PRPF18: variants seen among roughly 807,000 people sequenced by gnomAD.
The protein encoded by PRPF18 is pre-mRNA-splicing factor 18.
A neutral mutation model predicts 46.5 loss-of-function variants in PRPF18; 38 were observed. The ratio of observed to expected loss-of-function variants is 0.82; its 90% CI spans 0.63 to 1.07. PRPF18 has a LOEUF of 1.07. Among genes scored for constraint, PRPF18 ranks in the 50% least tolerant of loss-of-function variants. The probability of loss-of-function intolerance (pLI) is 0.00; values close to 1 mark genes in which losing one functional copy is unlikely to be tolerated. For missense variants in PRPF18, 263 were observed against 410.0 expected (o/e 0.64, Z 3.10); for synonymous variants, 152 against 146.7 (o/e 1.04, Z -0.26).
chr10:13,588,770 C>G (rs1428000346), intron 1 of PRPF18, among the ~76,000 whole-genome samples: 2 of 152,088 alleles, frequency 1.3e-5, no homozygotes, highest in African/African-American at 4.8e-5. Flanking sequence ...TTAGGAACTT[C>G]CTGAAGATGA....
At chr10:13,651,759 TAGTTCC>T in the PRPF18 span, 15,245 of 633,154 alleles carry the variant, frequency 0.024, 808 homozygotes, top group African/African-American at 0.14. Context: ...GCTAAAAACA[TAGTTCC>T]AGTTCCCCAT....
chr10:13,610,295 C>T (rs1564456807), intron 5 of PRPF18, 110 bp downstream of exon 5: 4 of 1,217,576 alleles, frequency 3.3e-6, no homozygotes, highest in Admixed American at 2.5e-5. Context: ...TGTCCTTGGT[C>T]TTTTGTTTAT....
intron 4 of PRPF18, among the ~76,000 whole-genome samples, chr10:13,608,504 G>T (rs1241140840): frequency 6.6e-6 from 1 of 152,210 alleles, no homozygotes; most frequent in East Asian, 1.9e-4. Context: ...TCAGTCCTCT[G>T]TGTCTGTAAT....
intron 1 of PRPF18, among the ~76,000 whole-genome samples, chr10:13,587,844 G>A (rs895340663): frequency 2.6e-5 from 4 of 151,984 alleles, no homozygotes; most frequent in African/African-American, 9.7e-5. Context: ...TTTTTTGTGC[G>A]TTTTGTCCAA....
chr10:13,597,856 A>G lies in PRPF18; in HGVS notation c.144+321A>G, dbSNP rs141694090. 7.1e-3 allele frequency among the ~76,000 whole-genome samples: 1,070 copies of G among 151,446 alleles called. 6 individuals carry two copies. The highest frequency in any genetic ancestry group is 0.011 in the Non-Finnish European group (717 of 67,802). ...AGACTGCGTTATTTTCAGCTCCACC[A>G]CCACTCCTCTCCCCCACCTCTCCCA... On this transcript the variant is annotated intron_variant, in intron 2 of 9. Transcript: ENST00000378572.
chr10:13,647,149 C>T, the PRPF18 span: 6 of 159,002 alleles, frequency 3.8e-5, no homozygotes, highest in African/African-American at 1.2e-4. Context: ...GTGCTAATCA[C>T]GAGTCTTTCC....
At chr10:13,652,014 C>T in the PRPF18 span, 1 of 1,073,926 alleles carries the variant, frequency 9.3e-7, no homozygotes, top group Non-Finnish European at 1.5e-6. Flanking sequence ...GAAGAGAGGT[C>T]ATGTTACAGA....
intron 2 of PRPF18, among the ~76,000 whole-genome samples, chr10:13,597,925 C>T (rs1328198524): frequency 1.3e-5 from 2 of 152,062 alleles, no homozygotes; most frequent in African/African-American, 2.4e-5. Context: ...TTTATTCATC[C>T]AGCCACAGTA....
the PRPF18 span, among the ~76,000 whole-genome samples, chr10:13,636,514 A>G: frequency 2.6e-5 from 4 of 152,192 alleles, no homozygotes; most frequent in South Asian, 6.2e-4. Flanking sequence ...TGTTGAGAGG[A>G]CAGTGGCTTG....
intron 8 of PRPF18, among the ~76,000 whole-genome samples, chr10:13,614,801 T>C (rs1180629516): frequency 6.6e-6 from 1 of 152,116 alleles, no homozygotes; most frequent in Non-Finnish European, 1.5e-5. Context: ...AATGCACCAG[T>C]AGTGGCAATG....
intron 6 of PRPF18, 21 bp from the exon 7 acceptor site, chr10:13,613,720 G>A (rs200159448): frequency 6.2e-7 from 1 of 1,608,088 alleles, no homozygotes; most frequent in East Asian, 2.2e-5. Flanking sequence ...TGTAGTCTAA[G>A]TTTACCCATC....
chr10:13,600,102 A>C (rs1315037971), intron 2 of PRPF18, 142 bp from the exon 3 acceptor site: 1 of 624,316 alleles, frequency 1.6e-6, no homozygotes, highest in East Asian at 3.0e-5. Flanking sequence ...ATGTACACTT[A>C]TTGTGAGCTC....
At chr10:13,587,487 C>G (rs1016908513) in intron 1 of PRPF18, among the ~76,000 whole-genome samples, 1 of 152,244 alleles carries the variant, frequency 6.6e-6, no homozygotes. Flanking sequence ...TCCTCATCTT[C>G]CCACCACCGA....
the PRPF18 span, chr10:13,637,243 C>A: frequency 2.0e-4 from 31 of 152,138 alleles, no homozygotes; most frequent in African/African-American, 7.2e-4. Context: ...GAGTTATTGT[C>A]AAAGAGTTTT....
downstream of PRPF18, among the ~76,000 whole-genome samples, chr10:13,633,773 T>C (rs574495960): frequency 6.6e-6 from 1 of 152,348 alleles, no homozygotes; most frequent in African/African-American, 2.4e-5. Flanking sequence ...AGAATAAGTT[T>C]ATCCCATAGC....
chr10:13,587,904 C>T (rs941865852), intron 1 of PRPF18, among the ~76,000 whole-genome samples: 1 of 152,182 alleles, frequency 6.6e-6, no homozygotes, highest in African/African-American at 2.4e-5. Flanking sequence ...TCACGGCCTT[C>T]TTTCCGGTAA....
At chr10:13,637,339 A>G in the PRPF18 span, among the ~76,000 whole-genome samples, 1 of 152,174 alleles carries the variant, frequency 6.6e-6, no homozygotes, top group Non-Finnish European at 1.5e-5. Context: ...CACACTTGAT[A>G]TATCCTCTGT....
chr10:13,591,945 C>A, intron 1 of PRPF18: 1 of 1,094,602 alleles, frequency 9.1e-7, no homozygotes, highest in Non-Finnish European at 1.3e-6. Flanking sequence ...TTTTTTTTTG[C>A]CATGGCTCAA....
chr10:13,595,574 C>T (rs1265018435), intron 1 of PRPF18, among the ~76,000 whole-genome samples: 2 of 152,154 alleles, frequency 1.3e-5, no homozygotes, highest in African/African-American at 4.8e-5. Context: ...GACCAGAGTT[C>T]TAGTTGCTAC....
Sources: allele counts gnomAD v4.1 joint callset (sites outside exome capture counted in the v4.1 genomes callset), GRCh38; gene constraint gnomAD v4.1.1; transcripts MANE v1.5; gene names NCBI Gene and HGNC (gene_info 2026-07-23, HGNC 2026-07-21).